Variants in ACVR1 observed in about 807,000 individuals in gnomAD.
ACVR1 encodes activin A receptor type 1.
ACVR1 carries 38 observed loss-of-function variants against 57.1 expected under a neutral mutation model. That is an observed-to-expected ratio of 0.67 (90% CI 0.51 to 0.87). The LOEUF is 0.87. ACVR1 is among the 40% of genes least tolerant of loss of function. ACVR1 has a pLI of 0.00. For synonymous variants in ACVR1, 212 were observed against 228.1 expected, an observed-to-expected ratio of 0.93 and a Z score of 0.63; for missense variants, 463 against 638.2, an observed-to-expected ratio of 0.73 and a Z score of 2.96.
At chr2:157,746,719 T>C (rs776637752) in intron 9 of ACVR1, among the ~76,000 whole-genome samples, 2 of 152,260 alleles carry the variant, frequency 1.3e-5, no homozygotes, top group African/African-American at 2.4e-5. Flanking sequence ...GTGACTGTGA[T>C]GCACATTCCA....
At chr2:157,840,309 G>A (rs553823514) in intron 1 of ACVR1, among the ~76,000 whole-genome samples, 48 of 152,254 alleles carry the variant, frequency 3.2e-4, no homozygotes, top group African/African-American at 1.1e-3. Context: ...ATTAAGGCTC[G>A]CCTGGGTTGG....
At chr2:157,839,641 A>G (rs1337198876) in intron 1 of ACVR1, among the ~76,000 whole-genome samples, 1 of 152,150 alleles carries the variant, frequency 6.6e-6, no homozygotes, top group African/African-American at 2.4e-5. Context: ...ACACCACACA[A>G]CTACCAGGCA....
intron 9 of ACVR1, among the ~76,000 whole-genome samples, chr2:157,759,699 T>G (rs1324326526): frequency 6.6e-6 from 1 of 151,994 alleles, no homozygotes; most frequent in Non-Finnish European, 1.5e-5. Context: ...TTAAACACAA[T>G]ACAAGCAAAC....
rs573549694 is a variant in ACVR1, at chr2:157,860,510, T to C, written c.-183+15286A>G. 8.5e-5 allele frequency among the ~76,000 whole-genome samples: 13 copies of C among 152,364 alleles called. No individual in the cohort carries two copies. In the South Asian group the frequency reaches 1.7e-3, roughly 19 times the overall value. On this transcript the variant is annotated intron_variant, in intron 1 of 10. Transcript: ENST00000434821. ...ATTCCAGGATAAGTGGTTAAGCTAA[T>C]GGTTTTCTTCAAAGCCAATTTCTCA...
At chr2:157,786,748 C>A (rs926034334) in intron 3 of ACVR1, among the ~76,000 whole-genome samples, 3 of 152,100 alleles carry the variant, frequency 2.0e-5, no homozygotes, top group African/African-American at 7.2e-5. Flanking sequence ...TTTGAGGACT[C>A]TGGGCTATGG....
chr2:157,852,518 A>G (rs1007269639), intron 1 of ACVR1, among the ~76,000 whole-genome samples: 4 of 151,912 alleles, frequency 2.6e-5, no homozygotes, highest in African/African-American at 4.8e-5. Context: ...AAAAAGAAAA[A>G]AAAAAGAGCA....
chr2:157,810,707 A>G (rs1687721460), intron 2 of ACVR1, among the ~76,000 whole-genome samples: 1 of 152,142 alleles, frequency 6.6e-6, no homozygotes, highest in Admixed American at 6.5e-5. Context: ...AATCTCTCTT[A>G]CATCATCATA....
intron 1 of ACVR1, among the ~76,000 whole-genome samples, chr2:157,829,252 T>G (rs2105342399): frequency 6.6e-6 from 1 of 152,258 alleles, no homozygotes; most frequent in South Asian, 2.1e-4. Context: ...TCACCCACCA[T>G]CCCAAATCTA....
At chr2:157,801,202 T>C (rs1182832851) in intron 2 of ACVR1, among the ~76,000 whole-genome samples, 3 of 152,226 alleles carry the variant, frequency 2.0e-5, no homozygotes, top group African/African-American at 7.2e-5. Context: ...CTCAGTTCTC[T>C]ATGACAGTCT....
chr2:157,778,733 C>G (rs1392976934), intron 4 of ACVR1, among the ~76,000 whole-genome samples: 1 of 152,168 alleles, frequency 6.6e-6, no homozygotes, highest in Non-Finnish European at 1.5e-5. Flanking sequence ...ACCAAATTAC[C>G]CATCTGTGGT....
At chr2:157,787,651 G>A (rs1048138085) in intron 3 of ACVR1, among the ~76,000 whole-genome samples, 6 of 152,266 alleles carry the variant, frequency 3.9e-5, no homozygotes, top group Middle Eastern at 3.4e-3. Context: ...AGCTCTGTTC[G>A]CGCCACAGGA....
intron 9 of ACVR1, among the ~76,000 whole-genome samples, chr2:157,758,632 C>T (rs1685521604): frequency 1.3e-5 from 2 of 152,054 alleles, no homozygotes; most frequent in African/African-American, 4.8e-5. Context: ...ACTCTTAGCA[C>T]TGAACAGATC....
At chr2:157,869,067 C>G (rs971419085) in intron 1 of ACVR1, among the ~76,000 whole-genome samples, 5 of 152,136 alleles carry the variant, frequency 3.3e-5, no homozygotes, top group Admixed American at 2.6e-4. Flanking sequence ...ACCTCAGCTT[C>G]CCCTTATTCC....
In ACVR1 at chr2:157,774,194, T is replaced by G; in HGVS notation, c.544-7A>C. 6.2e-7 allele frequency: 1 copy of G among 1,612,104 alleles called. No homozygotes were observed. Among genetic ancestry groups the G allele is most frequent in the African/African-American group, 1.3e-5 (1 of 74,946 alleles). On this transcript the variant is annotated splice_region_variant and splice_polypyrimidine_tract_variant and intron_variant, in intron 5 of 10. Coordinates refer to ENST00000434821, the MANE Select transcript of ACVR1 (RefSeq NM_001111067.4). The stretch of plus-strand genomic sequence containing the variant: ...ACGAATGATCCAATAAATCCTGTGG[T>G]TTAAGACAAGGGGGAAAAGAAACGA...
At chr2:157,864,031 G>A (rs535432901) in intron 1 of ACVR1, among the ~76,000 whole-genome samples, 6 of 150,858 alleles carry the variant, frequency 4.0e-5, no homozygotes, top group Non-Finnish European at 5.9e-5. Flanking sequence ...CTAAATTTTT[G>A]TATTTTTTTA....
intron 1 of ACVR1, among the ~76,000 whole-genome samples, chr2:157,830,964 C>T (rs983013579): frequency 3.3e-5 from 5 of 152,162 alleles, no homozygotes; most frequent in Admixed American, 3.3e-4. Flanking sequence ...CAGGGTCTCA[C>T]TCTGTTGCTC....
At position 157,736,726 on chromosome 2, in the gene ACVR1, C is replaced by T. The variant is rs546726288; in HGVS notation, c.*805G>A. The T allele has an allele frequency of 2.9e-6, 1 of 341,792 alleles. No homozygotes were observed. The highest frequency in any genetic ancestry group is 3.8e-5 in the East Asian group (1 of 25,988). The allele number at this position is 341,792 out of a possible 1,614,324, so 21.2% of individuals were successfully genotyped here. On this transcript the variant is annotated 3_prime_UTR_variant, in exon 11 of 11. Coordinates refer to ENST00000434821, the MANE Select transcript of ACVR1 (RefSeq NM_001111067.4). ...AGTCTACACACATACAAATGTGAAG[C>T]ACTTAAAATGTGATTTTAACTGATA...
intron 1 of ACVR1, among the ~76,000 whole-genome samples, chr2:157,829,789 TC>T (rs1381018717): frequency 6.6e-6 from 1 of 152,252 alleles, no homozygotes; most frequent in Non-Finnish European, 1.5e-5. Context: ...CATCTGTTTT[TC>T]CCAAACTTAA....
intron 9 of ACVR1, among the ~76,000 whole-genome samples, chr2:157,760,117 A>C (rs1415433722): frequency 1.3e-5 from 2 of 152,184 alleles, no homozygotes; most frequent in Non-Finnish European, 2.9e-5. Flanking sequence ...CAAGACAAAG[A>C]AATAAAATAC....
Sources: gnomAD v4.1 joint callset for allele counts (sites outside exome capture counted in the v4.1 genomes callset) on GRCh38, gnomAD v4.1.1 for gene constraint, MANE v1.5 for transcripts, NCBI Gene and HGNC (gene_info 2026-07-23, HGNC 2026-07-21) for gene names.